KIAA1549: variants seen among roughly 807,000 people sequenced by gnomAD.
KIAA1549 encodes the protein KIAA1549.
KIAA1549 carries 70 observed loss-of-function variants against 156.4 expected under a neutral mutation model. That is an observed-to-expected ratio of 0.45 (90% confidence interval 0.37 to 0.55). The LOEUF is 0.55. KIAA1549 is among the 20% of genes least tolerant of loss of function. KIAA1549 has a pLI of 0.00. For synonymous variants in KIAA1549, 1,103 were observed against 1,066.4 expected (o/e 1.03, Z -0.67); for missense variants, 2,428 against 2,540.9 (o/e 0.96, Z 0.96).
chr7:138,959,269 C>T (rs1447569713), intron 1 of KIAA1549, among the ~76,000 whole-genome samples: 2 of 152,180 alleles, frequency 1.3e-5, no homozygotes, highest in Non-Finnish European at 2.9e-5. Context: ...ATCAACTAAA[C>T]ATCAAGACTT....
intron 1 of KIAA1549, among the ~76,000 whole-genome samples, chr7:138,929,086 T>C (rs769429610): frequency 5.9e-5 from 9 of 152,188 alleles, no homozygotes; most frequent in Non-Finnish European, 8.8e-5. Flanking sequence ...GGCTTTATCT[T>C]AGACAATGAA....
chr7:138,838,660 A>G lies in KIAA1549; in HGVS notation c.5599-500T>C, dbSNP rs562788922. ...TTTCACAAGAATTATTACACTTTTC[A>G]GATTTTTTTTTCATGTTTATTTCTC... On this transcript the variant is annotated intron_variant, in intron 19 of 19. Coordinates refer to ENST00000422774, the MANE Select transcript of KIAA1549 (RefSeq NM_001164665.2). Among the ~76,000 whole-genome samples the G allele has an allele frequency of 3.3e-5, 5 of 152,178 alleles. No individual in the cohort carries two copies. The South Asian group carries it at 1.0e-3, about 32-fold the overall frequency.
chr7:138,958,882 G>GTTT lies in KIAA1549; in HGVS notation c.187+22198_187+22200dup, dbSNP rs149890898. 5.0e-3 allele frequency among the ~76,000 whole-genome samples: 749 copies of GTTT among 150,266 alleles called. 5 individuals carry two copies. The highest frequency in any genetic ancestry group is 0.017 in the African/African-American group (700 of 40,936). Reference sequence around the variant, plus strand: ...TTTGTTTTTGCACTATAGCCCAAAGGTTTTTTTTTTGTTTTGTTTAGTTTG... The same window carrying GTTT: ...TTTGTTTTTGCACTATAGCCCAAAGGTTTTTTTTTTTTTGTTTTGTTTAGTTTG... On this transcript the variant is annotated intron_variant, in intron 1 of 19. Transcript: ENST00000422774.
chr7:138,833,856 C>T lies in KIAA1549; in HGVS notation c.*4050G>A, dbSNP rs145646248. ...AGATCTTCACAGCCCTGGTCGTTTC[C>T]TTGCTGCATGACTGCAAAAGCATCC... On this transcript the variant is annotated 3_prime_UTR_variant, in exon 20 of 20. Coordinates refer to ENST00000422774, the MANE Select transcript of KIAA1549 (RefSeq NM_001164665.2). The T allele has an allele frequency of 1.1e-3, 259 of 233,122 alleles. 3 individuals are homozygous for T. The highest frequency in any genetic ancestry group is 5.3e-3 in the African/African-American group (240 of 45,460). 14.4% of individuals were successfully genotyped at this position (233,122 alleles called of 1,614,324 possible).
In KIAA1549 at chr7:138,917,921, A is replaced by G. The variant is rs751701887; in HGVS notation, c.1705T>C (p.Ser569Pro). 20 of 1,599,040 alleles carry G rather than the reference A, an allele frequency of 1.3e-5. No individual in the cohort carries two copies. The highest frequency in any genetic ancestry group is 5.2e-5 in the Admixed American group (3 of 57,368). ...TTTTTGTTTGCTATGACAGAGAAAG[A>G]TGAGTCAAGGAGAATGCTGGTGATG... Reference protein sequence around the residue: ...SVITSILLDSSFSVIANKNTP... With the variant: ...SVITSILLDSPFSVIANKNTP... The change falls in exon 2 of 20, where the codon TCT becomes CCT. Residue 569 changes from serine to proline, a missense_variant. By Grantham distance (74) the Ser-to-Pro change is moderately conservative (BLOSUM62 -1). Coordinates refer to ENST00000422774, the MANE Select transcript of KIAA1549 (RefSeq NM_001164665.2).
chr7:138,842,693 C>A (rs76367732), intron 18 of KIAA1549, among the ~76,000 whole-genome samples: 2,240 of 140,520 alleles, frequency 0.016, 64 homozygotes, highest in African/African-American at 0.053. Flanking sequence ...AACTCTGTCT[C>A]AAAAAAAAAA....
At chr7:138,922,815 T>C (rs1162402670) in intron 1 of KIAA1549, among the ~76,000 whole-genome samples, 1 of 151,806 alleles carries the variant, frequency 6.6e-6, no homozygotes, top group African/African-American at 2.4e-5. Context: ...CAACATACAT[T>C]TGATCAAAGT....
chr7:138,856,195 C>T (rs1034961076), intron 16 of KIAA1549, among the ~76,000 whole-genome samples: 13 of 150,782 alleles, frequency 8.6e-5, no homozygotes, highest in Non-Finnish European at 1.5e-4. Context: ...CCACGCCCAG[C>T]GAATTTTTTT....
At chr7:138,964,136 T>C (rs1453152685) in intron 1 of KIAA1549, among the ~76,000 whole-genome samples, 8 of 152,246 alleles carry the variant, frequency 5.3e-5, no homozygotes, top group Non-Finnish European at 1.2e-4. Context: ...GCATCTTCTA[T>C]GGGCTAGGCC....
intron 1 of KIAA1549, among the ~76,000 whole-genome samples, chr7:138,950,333 G>A (rs924777451): frequency 1.4e-4 from 21 of 151,994 alleles, no homozygotes; most frequent in African/African-American, 4.6e-4. Flanking sequence ...CTAACAGATC[G>A]CCCTAACAAA....
intron 16 of KIAA1549, among the ~76,000 whole-genome samples, chr7:138,856,040 T>A (rs572734188): frequency 7.9e-5 from 12 of 151,526 alleles, no homozygotes; most frequent in East Asian, 1.9e-4. Context: ...TATTTTATTT[T>A]TTTTTTTTTG....
At chr7:138,853,353 T>G (rs934136167) in intron 16 of KIAA1549, among the ~76,000 whole-genome samples, 1 of 152,216 alleles carries the variant, frequency 6.6e-6, no homozygotes, top group Non-Finnish European at 1.5e-5. Context: ...GTTTTATAAA[T>G]GAAACCAACT....
chr7:138,910,209 C>T (rs982668813), intron 4 of KIAA1549, among the ~76,000 whole-genome samples: 1 of 151,904 alleles, frequency 6.6e-6, no homozygotes, highest in Non-Finnish European at 1.5e-5. Flanking sequence ...TTTGTACATG[C>T]TTGAAATTTC....
Position 138,869,578 on chromosome 7 carries a change from T to C in KIAA1549, c.4735A>G (p.Thr1579Ala). Residue 1579 changes from threonine (T) to alanine (A), a missense_variant, in exon 14 of 20, where the codon ACG (threonine) becomes GCG (alanine). Physicochemically the swap from Thr to Ala is moderately conservative, Grantham distance 58 (BLOSUM62 0). Around this residue, in one of 5 missense-constraint regions of KIAA1549, gnomAD observed 404 missense variants for 417.0 expected, o/e 0.97. Transcript: ENST00000422774. ...ATGAACACGGAGGGCACGCTGGCCG[T>C]GGGGTCCAGGATCTTGTCGATCTGC... is the stretch of plus-strand genomic sequence containing the variant. ...QMQIDKILDP[T>A]ASVPSVFIEP... The C allele has an allele frequency of 6.3e-7, 1 of 1,594,114 alleles. No individual in the cohort carries two copies. The highest frequency in any genetic ancestry group is 8.5e-7 in the Non-Finnish European group (1 of 1,171,754).
chr7:138,974,325 G>C (rs1003121572), intron 1 of KIAA1549, among the ~76,000 whole-genome samples: 26 of 151,948 alleles, frequency 1.7e-4, no homozygotes, highest in African/African-American at 5.8e-4. Flanking sequence ...GTGGTCCTTG[G>C]GAGAAGAGTC....
At chr7:138,962,019 C>T (rs950243274) in intron 1 of KIAA1549, among the ~76,000 whole-genome samples, 2 of 152,072 alleles carry the variant, frequency 1.3e-5, no homozygotes, top group East Asian at 1.9e-4. Flanking sequence ...GTGGAAGAGG[C>T]GCCATTCTCC....
At chr7:138,913,102 C>T (rs1243200415) in intron 2 of KIAA1549, among the ~76,000 whole-genome samples, 1 of 152,112 alleles carries the variant, frequency 6.6e-6, no homozygotes, top group African/African-American at 2.4e-5. Context: ...TCTTGATCTC[C>T]TAACCTTGTG....
At chr7:138,970,454 T>C (rs1429604843) in intron 1 of KIAA1549, among the ~76,000 whole-genome samples, 2 of 152,206 alleles carry the variant, frequency 1.3e-5, no homozygotes, top group Non-Finnish European at 2.9e-5. Context: ...CCCGATGGCT[T>C]GAGATCTGGG....
intron 1 of KIAA1549, among the ~76,000 whole-genome samples, chr7:138,966,251 C>T (rs752424129): frequency 5.9e-5 from 9 of 152,024 alleles, no homozygotes; most frequent in Non-Finnish European, 1.0e-4. Flanking sequence ...TCCAATACCA[C>T]GGTCCTTATG....
Sources: gnomAD v4.1 joint callset for allele counts (sites outside exome capture counted in the v4.1 genomes callset) on GRCh38, gnomAD v4.1.1 for gene constraint, gnomAD v4.1.1 regional missense constraint, MANE v1.5 for transcripts, NCBI Gene and HGNC (gene_info 2026-07-23, HGNC 2026-07-21) for gene names.